Variants in CTDSPL2 observed in about 807,000 individuals in gnomAD.
CTDSPL2 encodes the protein CTD small phosphatase-like protein 2.
A neutral mutation model predicts 60.0 loss-of-function variants in CTDSPL2; 5 were observed. The observed-to-expected ratio is 0.08, with a 90% confidence interval of 0.04 to 0.18. The LOEUF is 0.18. Ranked by LOEUF, CTDSPL2 falls within the 10% of genes least tolerant of loss-of-function variation. The pLI, the probability that CTDSPL2 is intolerant of heterozygous loss-of-function variation, is 1.00. For missense variants in CTDSPL2, 370 were observed against 548.8 expected (o/e 0.67, Z 3.26); for synonymous variants, 186 against 189.3 (o/e 0.98, Z 0.14).
chr15:44,469,233 G>A (rs1801209801), intron 2 of CTDSPL2, among the ~76,000 whole-genome samples: 1 of 152,108 alleles, frequency 6.6e-6, no homozygotes, highest in African/African-American at 2.4e-5. Context: ...AGCATAAGGG[G>A]GAACTACTGT....
At chr15:44,521,588 T>C (rs1318091590) in intron 12 of CTDSPL2, among the ~76,000 whole-genome samples, 182 bp downstream of exon 12, 1 of 152,124 alleles carries the variant, frequency 6.6e-6, no homozygotes, top group Non-Finnish European at 1.5e-5. Flanking sequence ...GGAGGATTGA[T>C]TGAGCCTAGG....
At position 44,482,870 on chromosome 15, in the gene CTDSPL2, A is replaced by G. The variant is rs1297004541; in HGVS notation, c.187-1354A>G. Among the ~76,000 whole-genome samples the G allele has an allele frequency of 2.6e-5, 4 of 152,332 alleles. No individual in the cohort carries two copies. In the East Asian group the frequency reaches 7.7e-4, roughly 29 times the overall value. ...ATTATATGTATCAATTATATATAAT[A>G]TGTAAATTTGAAGATCTAATCCTTA... is the stretch of plus-strand genomic sequence containing the variant. On this transcript the variant is annotated intron_variant, in intron 2 of 12. Transcript: ENST00000260327.
chr15:44,494,648 G>T (rs1294163474), intron 5 of CTDSPL2, among the ~76,000 whole-genome samples: 1 of 151,354 alleles, frequency 6.6e-6, no homozygotes, highest in Non-Finnish European at 1.5e-5. Context: ...AGTGGCTCAT[G>T]CCTGTAGTCC....
chr15:44,447,388 A>G (rs2080239552), intron 1 of CTDSPL2, among the ~76,000 whole-genome samples: 1 of 152,214 alleles, frequency 6.6e-6, no homozygotes. Flanking sequence ...CACAACTACA[A>G]AAAAATTTGC....
chr15:44,508,011 A>T (rs370823709), intron 8 of CTDSPL2, among the ~76,000 whole-genome samples: 1 of 152,170 alleles, frequency 6.6e-6, no homozygotes, highest in East Asian at 1.9e-4. Flanking sequence ...TGGTACAGCC[A>T]CTTGTACACT....
intron 2 of CTDSPL2, among the ~76,000 whole-genome samples, chr15:44,460,762 G>T (rs2080550013): frequency 2.6e-5 from 4 of 151,978 alleles, no homozygotes; most frequent in Admixed American, 2.6e-4. Flanking sequence ...TCAGTAATTA[G>T]AAATTTTAAA....
intron 2 of CTDSPL2, among the ~76,000 whole-genome samples, chr15:44,465,486 C>CT (rs1308675988): frequency 1.3e-5 from 2 of 152,088 alleles, no homozygotes; most frequent in Non-Finnish European, 2.9e-5. Context: ...ATGGCTAATA[C>CT]TTTCATGTGA....
At chr15:44,474,803 C>T (rs905231587) in intron 2 of CTDSPL2, among the ~76,000 whole-genome samples, 8 of 152,098 alleles carry the variant, frequency 5.3e-5, no homozygotes, top group African/African-American at 1.9e-4. Context: ...TTGCAGTGAG[C>T]CAAAATCACT....
intron 8 of CTDSPL2, among the ~76,000 whole-genome samples, chr15:44,505,747 A>G (rs1457569285): frequency 2.6e-5 from 4 of 151,572 alleles, no homozygotes; most frequent in Non-Finnish European, 4.4e-5. Context: ...AAAAAAAAAA[A>G]AAAGAAAAGA....
intron 8 of CTDSPL2, among the ~76,000 whole-genome samples, chr15:44,511,236 C>T (rs543398329): frequency 5.3e-4 from 81 of 152,308 alleles, no homozygotes; most frequent in Non-Finnish European, 2.9e-5. Context: ...CCTTTATCTT[C>T]AGTGCCACCT....
At chr15:44,506,627 C>G (rs2081471465) in intron 8 of CTDSPL2, among the ~76,000 whole-genome samples, 1 of 151,868 alleles carries the variant, frequency 6.6e-6, no homozygotes, top group Non-Finnish European at 1.5e-5. Context: ...GTTGCCCAGG[C>G]TGGTCTCAAA....
intron 2 of CTDSPL2, among the ~76,000 whole-genome samples, chr15:44,472,063 G>T (rs151135202): frequency 6.6e-6 from 1 of 150,822 alleles, no homozygotes; most frequent in East Asian, 1.9e-4. Flanking sequence ...ATATTCTGTT[G>T]TATGGATATA....
chr15:44,464,739 C>CTCTGTCG (rs2080648858), intron 2 of CTDSPL2, among the ~76,000 whole-genome samples: 1 of 152,080 alleles, frequency 6.6e-6, no homozygotes, highest in African/African-American at 2.4e-5. Context: ...CAGAGTCTCT[C>CTCTGTCG]TCTGTCGCCC....
At chr15:44,458,062 G>T (rs2080485913) in intron 1 of CTDSPL2, among the ~76,000 whole-genome samples, 1 of 152,166 alleles carries the variant, frequency 6.6e-6, no homozygotes, top group Non-Finnish European at 1.5e-5. Flanking sequence ...TGTTCTGTGA[G>T]TGTATCCACT....
intron 1 of CTDSPL2, among the ~76,000 whole-genome samples, chr15:44,452,060 G>C (rs1217646585): frequency 6.6e-6 from 1 of 152,114 alleles, no homozygotes; most frequent in Non-Finnish European, 1.5e-5. Flanking sequence ...GGTGATGTTA[G>C]TAATCATGAA....
In CTDSPL2 at chr15:44,497,114, G is replaced by T. The variant is rs376913959; in HGVS notation, c.858G>T (p.Pro286=). 6.2e-7 allele frequency: 1 copy of T among 1,604,064 alleles called. No individual in the cohort carries two copies. The highest frequency in any genetic ancestry group is 8.5e-7 in the Non-Finnish European group (1 of 1,171,828). The part of the protein sequence containing the change: ...PALPLKTRST[P]EFSLVLDLDE... ...TTCCGTTGAAAACAAGAAGCACACC[G>T]GAATTCTCCCTAGTTTTAGACTTGG... Residue 286 remains proline, a synonymous_variant, in exon 7 of 13, where the codon CCG becomes CCT. Transcript: ENST00000260327.
At chr15:44,482,602 G>C (rs916785953) in intron 2 of CTDSPL2, among the ~76,000 whole-genome samples, 9 of 152,294 alleles carry the variant, frequency 5.9e-5, no homozygotes, top group African/African-American at 2.2e-4. Context: ...TTTGTGATAG[G>C]AGGCTCCCTG....
At chr15:44,453,078 A>G (rs903310691) in intron 1 of CTDSPL2, among the ~76,000 whole-genome samples, 3 of 152,268 alleles carry the variant, frequency 2.0e-5, no homozygotes, top group African/African-American at 4.8e-5. Context: ...AAACAAGACT[A>G]TGTCATTTGC....
chr15:44,435,971 T>C (rs17586255), intron 1 of CTDSPL2, among the ~76,000 whole-genome samples: 25,560 of 152,128 alleles, frequency 0.17, 2,828 homozygotes, highest in Middle Eastern at 0.33. Flanking sequence ...TGATTTTTTT[T>C]CTTAGGTGAC....
Sources: allele counts gnomAD v4.1 joint callset (sites outside exome capture counted in the v4.1 genomes callset), GRCh38; gene constraint gnomAD v4.1.1; transcripts MANE v1.5; gene names NCBI Gene and HGNC (gene_info 2026-07-23, HGNC 2026-07-21).